CACNG6: variants seen among roughly 807,000 people sequenced by gnomAD.
The protein encoded by CACNG6 is calcium voltage-gated channel auxiliary subunit gamma 6.
Under a neutral mutation model 23.9 loss-of-function variants are expected in CACNG6, and 21 were observed. The ratio of observed to expected loss-of-function variants is 0.88; its 90% confidence interval spans 0.62 to 1.26. The LOEUF (loss-of-function observed/expected upper bound fraction) is 1.26, where lower values mean the gene tolerates loss of function less well. Ranked by LOEUF, CACNG6 falls within the 50% of genes most tolerant of loss-of-function variation. The pLI, the probability that CACNG6 is intolerant of heterozygous loss-of-function variation, is 0.00. For missense variants in CACNG6, 340 were observed against 352.9 expected, an observed-to-expected ratio of 0.96 and a Z score of 0.29; for synonymous variants, 182 against 168.9, an observed-to-expected ratio of 1.08 and a Z score of -0.60.
intron 1 of CACNG6, among the ~76,000 whole-genome samples, chr19:53,993,667 C>G (rs2069491547): frequency 6.6e-6 from 1 of 151,570 alleles, no homozygotes; most frequent in South Asian, 2.1e-4. Flanking sequence ...CCTGTACCCC[C>G]AGATGAGCCT....
Position 53,999,717 on chromosome 19 carries a change from A to C in CACNG6, c.490A>C (p.Ser164Arg). ...GTGCCTCTGTATCATCATGGTGCTC[A>C]GTAAAGGTGCAGAGTTCCTGCTCCG... ...LGCLCIIMVL[S>R]KGAEFLLRVG... is the part of the protein sequence containing the mutation. Residue 164 changes from serine (S) to arginine (R), a missense_variant, in exon 3 of 4, where the codon AGT (serine) becomes CGT (arginine). Coordinates refer to ENST00000252729, the MANE Select transcript of CACNG6 (RefSeq NM_145814.2). 6.2e-7 allele frequency: 1 copy of C among 1,614,136 alleles called. No individual in the cohort carries two copies. Among genetic ancestry groups the C allele is most frequent in the Non-Finnish European group, 8.5e-7 (1 of 1,180,032 alleles).
chr19:53,998,344 A>AGGTGGGGGAAATGCTGAGCGT (rs1348654250), intron 2 of CACNG6, 31 bp downstream of exon 2: 1 of 1,595,242 alleles, frequency 6.3e-7, no homozygotes, highest in South Asian at 1.1e-5. Flanking sequence ...GCTGGGTGAC[A>AGGTGGGGGAAATGCTGAGCGT]GGTGGGGGAA....
chr19:54,010,040 C>CTTT (rs34229634), intron 3 of CACNG6, among the ~76,000 whole-genome samples: 14 of 125,352 alleles, frequency 1.1e-4, no homozygotes, highest in Non-Finnish European at 9.5e-5. Flanking sequence ...TCTTTTCTTT[C>CTTT]TTTTTTTTTT....
At chr19:53,997,059 G>A (rs568132949) in intron 1 of CACNG6, among the ~76,000 whole-genome samples, 8 of 151,580 alleles carry the variant, frequency 5.3e-5, no homozygotes, top group Non-Finnish European at 1.0e-4. Flanking sequence ...TGGTACAGAC[G>A]GGGTTTCACC....
intron 3 of CACNG6, among the ~76,000 whole-genome samples, chr19:54,010,042 T>C (rs977470417): frequency 2.8e-5 from 4 of 145,066 alleles, no homozygotes; most frequent in African/African-American, 1.0e-4. Flanking sequence ...TTTTCTTTCT[T>C]TTTTTTTTTT....
intron 3 of CACNG6, among the ~76,000 whole-genome samples, chr19:54,009,925 A>G (rs2069687431): frequency 7.3e-6 from 1 of 137,732 alleles, no homozygotes; most frequent in Non-Finnish European, 1.5e-5. Context: ...CTCCGTCTCA[A>G]AAAAAAAATA....
At chr19:54,009,149 G>A (rs2433730) in intron 3 of CACNG6, among the ~76,000 whole-genome samples, 3,751 of 152,110 alleles carry the variant, frequency 0.025, 154 homozygotes, top group African/African-American at 0.085. Flanking sequence ...ATTGCCGGGC[G>A]CGGTGGCTCA....
At chr19:54,003,999 G>A (rs2069607487) in intron 3 of CACNG6, among the ~76,000 whole-genome samples, 1 of 151,994 alleles carries the variant, frequency 6.6e-6, no homozygotes, top group African/African-American at 2.4e-5. Flanking sequence ...GGGACCACAG[G>A]CACACGTCAC....
At chr19:54,003,759 G>A (rs192969314) in intron 3 of CACNG6, among the ~76,000 whole-genome samples, 207 of 152,238 alleles carry the variant, frequency 1.4e-3, no homozygotes, top group Non-Finnish European at 2.6e-3. Flanking sequence ...ATATTTCCCC[G>A]AGGTAATTTC....
intron 3 of CACNG6, among the ~76,000 whole-genome samples, chr19:54,006,517 CTTTTCTTTTTTTTTT>C (rs1329578340): frequency 9.3e-6 from 1 of 107,332 alleles, no homozygotes; most frequent in South Asian, 2.9e-4. Flanking sequence ...TTCCTTCTTT[CTTTTCTTTTTTTTTT>C]TTTTTTTTTT....
At position 53,992,685 on chromosome 19, in the gene CACNG6, T is replaced by G; in HGVS notation, c.-193T>G. The G allele has an allele frequency of 2.6e-6, 1 of 381,976 alleles. No individual in the cohort carries two copies. 23.7% of individuals were successfully genotyped at this position (381,976 alleles called of 1,614,324 possible). On this transcript the variant is annotated 5_prime_UTR_variant, in exon 1 of 4. Coordinates refer to ENST00000252729, the MANE Select transcript of CACNG6 (RefSeq NM_145814.2). This position sits in a 1 kb window ranked among gnomAD's most constrained non-coding sequence, Gnocchi z 4.1. The stretch of plus-strand genomic sequence containing the variant: ...TCCCCAGCCCTGGGGATCATTTTTC[T>G]CTTCTGAACCCCAGAAGCAATCTCG...
chr19:54,005,145 G>C (rs2069626417), intron 3 of CACNG6, among the ~76,000 whole-genome samples: 1 of 151,124 alleles, frequency 6.6e-6, no homozygotes, highest in African/African-American at 2.4e-5. Context: ...GGAGGTGGAG[G>C]TTGCAGTGAG....
chr19:53,993,290 G>T (rs1237846362), intron 1 of CACNG6, 82 bp downstream of exon 1: 21 of 1,374,264 alleles, frequency 1.5e-5, no homozygotes, highest in Non-Finnish European at 2.0e-5. Context: ...GAGAAAACCC[G>T]CCCCAGGGAC....
intron 3 of CACNG6, among the ~76,000 whole-genome samples, chr19:54,003,834 C>A (rs774253718): frequency 1.3e-5 from 2 of 152,090 alleles, no homozygotes; most frequent in African/African-American, 4.8e-5. Flanking sequence ...CTCCACAGAG[C>A]AGCTAGAGTG....
intron 1 of CACNG6, among the ~76,000 whole-genome samples, chr19:53,997,742 C>T (rs187866859): frequency 1.3e-5 from 2 of 152,238 alleles, no homozygotes; most frequent in Admixed American, 6.5e-5. Context: ...TACCCTTTGC[C>T]CATTTGTCAA....
rs1174799698 is a variant in CACNG6, at chr19:54,002,275, G to GTTTTTTTTTTTT, written c.544+2512_544+2513insTTTTTTTTTTTT. Among the ~76,000 whole-genome samples, 64 of 116,428 alleles carry GTTTTTTTTTTTT rather than the reference G, an allele frequency of 5.5e-4. 1 individual carries two copies. The highest frequency in any genetic ancestry group is 2.4e-3 in the African/African-American group (51 of 21,588). The allele number at this position is 116,428 out of a possible 152,430, so 76.4% of individuals were successfully genotyped here. ...AGCCCGGCTAATTTTCGGTTTTTTT[G>GTTTTTTTTTTTT]TTTTTTTTGTTTTTTTTTTTTTTGT... On this transcript the variant is annotated intron_variant, in intron 3 of 3. Coordinates refer to ENST00000252729, the MANE Select transcript of CACNG6 (RefSeq NM_145814.2).
intron 1 of CACNG6, among the ~76,000 whole-genome samples, chr19:53,997,121 C>T (rs1372984134): frequency 3.9e-5 from 6 of 151,966 alleles, no homozygotes; most frequent in Admixed American, 2.6e-4. Context: ...TCTCCTGCCT[C>T]GGCCTCCCAA....
intron 3 of CACNG6, among the ~76,000 whole-genome samples, chr19:54,004,338 TGTGTGTGTGTG>T (rs1568816139): frequency 0.044 from 908 of 20,720 alleles, 17 homozygotes; most frequent in Middle Eastern, 0.14. Context: ...TGTATTTTTG[TGTGTGTGTGTG>T]TGTGTGTGTG....
intron 3 of CACNG6, among the ~76,000 whole-genome samples, chr19:54,002,824 G>A (rs746301112): frequency 4.6e-5 from 7 of 152,162 alleles, no homozygotes; most frequent in Non-Finnish European, 1.0e-4. Flanking sequence ...AGGGACTGGG[G>A]CAGGTTGGGA....
Sources: allele counts gnomAD v4.1 joint callset (sites outside exome capture counted in the v4.1 genomes callset), GRCh38; gene constraint gnomAD v4.1.1; non-coding constraint Gnocchi (gnomAD v3.1); transcripts MANE v1.5; gene names NCBI Gene and HGNC (gene_info 2026-07-23, HGNC 2026-07-21).